Variants in CHDH observed in about 807,000 individuals in gnomAD.
CHDH encodes choline dehydrogenase, mitochondrial.
CHDH carries 43 observed loss-of-function variants against 56.9 expected under a neutral mutation model. The observed-to-expected ratio is 0.76, with a 90% CI of 0.59 to 0.97. The LOEUF (loss-of-function observed/expected upper bound fraction) is 0.97. CHDH is among the 50% of genes least tolerant of loss of function. CHDH has a pLI of 0.00. For missense variants in CHDH, 816 were observed against 821.1 expected (o/e 0.99, Z 0.08); for synonymous variants, 364 against 348.5 (o/e 1.04, Z -0.50).
At chr3:53,838,480 G>T (rs998307052) in intron 2 of CHDH, among the ~76,000 whole-genome samples, 1 of 152,218 alleles carries the variant, frequency 6.6e-6, no homozygotes, top group Non-Finnish European at 1.5e-5. Context: ...GTGAAAGTAG[G>T]GAGGTGGGTA....
chr3:53,841,910 G>T (rs949898915), intron 1 of CHDH, among the ~76,000 whole-genome samples: 2 of 152,186 alleles, frequency 1.3e-5, no homozygotes. Flanking sequence ...ACTTTGGGAG[G>T]CCAAGGCAGG....
rs1046701291 is a variant in CHDH at position 53,837,299 on chromosome 3, C to T, written c.-60+3630G>A. On this transcript the variant is annotated intron_variant, in intron 2 of 8. Transcript: ENST00000315251. ...TAATTAACAACTGAATTGGAAACTG[C>T]TACCTGGGAGATGATTCTGGACAGT... Among the ~76,000 whole-genome samples, 24 of 152,360 alleles carry T rather than the reference C, an allele frequency of 1.6e-4. 1 individual carries two copies. In the South Asian group the frequency reaches 4.8e-3, roughly 30 times the overall value.
chr3:53,825,637 G>C (rs979713745), intron 2 of CHDH, among the ~76,000 whole-genome samples: 1 of 152,138 alleles, frequency 6.6e-6, no homozygotes, highest in South Asian at 2.1e-4. Flanking sequence ...GGAAAGAAGA[G>C]ACAGAGAACA....
intron 2 of CHDH, among the ~76,000 whole-genome samples, chr3:53,826,823 A>G (rs546281860): frequency 6.6e-6 from 1 of 152,238 alleles, no homozygotes; most frequent in Non-Finnish European, 1.5e-5. Context: ...TGCTAATGAC[A>G]TGATTGTCCA....
chr3:53,842,988 G>C (rs1216073738), intron 1 of CHDH, among the ~76,000 whole-genome samples: 2 of 152,140 alleles, frequency 1.3e-5, no homozygotes, highest in African/African-American at 2.4e-5. Context: ...ACCAGCCAGG[G>C]CCTTGATTAA....
intron 2 of CHDH, 113 bp from the exon 3 acceptor site, chr3:53,824,180 G>A (rs997086411): frequency 5.3e-6 from 3 of 570,376 alleles, no homozygotes; most frequent in East Asian, 3.2e-5. Flanking sequence ...GCTGCTCAAA[G>A]GAACTAGGAG....
intron 1 of CHDH, among the ~76,000 whole-genome samples, chr3:53,845,788 T>C (rs1405170966): frequency 6.6e-6 from 1 of 152,236 alleles, no homozygotes; most frequent in Non-Finnish European, 1.5e-5. Context: ...CAGGTGTTGC[T>C]GTCCGAACTC....
chr3:53,817,671 T>A lies in CHDH; in HGVS notation c.*106A>T. 1.1e-6 allele frequency: 1 copy of A among 918,540 alleles called. No homozygotes were observed. Among genetic ancestry groups the A allele is most frequent in the Non-Finnish European group, 1.6e-6 (1 of 618,306 alleles). The allele number at this position is 918,540 out of a possible 1,614,324, so 56.9% of individuals were successfully genotyped here. ...GCCACTGAGTAGGGTACCACCTGGGTCCTAGTGTGCTAGATAGTTTCAGGC... is the reference window on the plus strand; with the variant it reads ...GCCACTGAGTAGGGTACCACCTGGGACCTAGTGTGCTAGATAGTTTCAGGC... On this transcript the variant is annotated 3_prime_UTR_variant, in exon 9 of 9. Coordinates refer to ENST00000315251, the MANE Select transcript of CHDH (RefSeq NM_018397.5).
At chr3:53,831,514 C>T (rs1698333451) in intron 2 of CHDH, among the ~76,000 whole-genome samples, 1 of 152,246 alleles carries the variant, frequency 6.6e-6, no homozygotes, top group Non-Finnish European at 1.5e-5. Flanking sequence ...TTGGTGGCCA[C>T]AGGGGTGCTT....
rs1038276308 is a variant in CHDH, at chr3:53,813,573, T to C, written c.*4204A>G. The C allele has an allele frequency of 6.6e-6, 1 of 152,242 alleles. No homozygotes were observed. The highest frequency in any genetic ancestry group is 1.5e-5 in the Non-Finnish European group (1 of 68,056). 9.4% of individuals were successfully genotyped at this position (152,242 alleles called of 1,614,324 possible). A position where few individuals can be genotyped will look rare whatever the true frequency, so the allele number is the denominator to read the frequency against. ...CTTGTGGCATCACATCAGGCCAAAA[T>C]TGCCAGACCAGGACCCTAAGTGTCT... On this transcript the variant is annotated 3_prime_UTR_variant, in exon 9 of 9. Transcript: ENST00000315251.
intron 2 of CHDH, among the ~76,000 whole-genome samples, chr3:53,833,467 G>A (rs1163627174): frequency 6.6e-6 from 1 of 152,220 alleles, no homozygotes; most frequent in Non-Finnish European, 1.5e-5. Flanking sequence ...ACTGACTGGT[G>A]TGAGGTAGGA....
At position 53,816,331 on chromosome 3, in the gene CHDH, C is replaced by T. The variant is rs1170694563; in HGVS notation, c.*1446G>A. 6.6e-6 allele frequency: 1 copy of T among 152,138 alleles called. No homozygotes were observed. The highest frequency in any genetic ancestry group is 2.4e-5 in the African/African-American group (1 of 41,404). 9.4% of individuals were successfully genotyped at this position (152,138 alleles called of 1,614,324 possible). A position where few individuals can be genotyped will look rare whatever the true frequency, so the allele number is the denominator to read the frequency against. On this transcript the variant is annotated 3_prime_UTR_variant, in exon 9 of 9. Coordinates refer to ENST00000315251, the MANE Select transcript of CHDH (RefSeq NM_018397.5). The stretch of plus-strand genomic sequence containing the variant: ...ATCCAAGTGCATTTTATTTTCATTA[C>T]CTTGTCAGAACAGTCTGGAGAAGGC...
chr3:53,820,097 G>A (rs540641884), intron 6 of CHDH, among the ~76,000 whole-genome samples: 5 of 152,332 alleles, frequency 3.3e-5, no homozygotes, highest in South Asian at 2.1e-4. Flanking sequence ...GATGAATGCT[G>A]ATTCTGCAGT....
chr3:53,818,457 C>T (rs1329030328), intron 8 of CHDH, among the ~76,000 whole-genome samples: 1 of 152,174 alleles, frequency 6.6e-6, no homozygotes, highest in Non-Finnish European at 1.5e-5. Flanking sequence ...TCTGACTTAT[C>T]TGTAGGGCAG....
At chr3:53,818,254 A>C in intron 8 of CHDH, 59 bp from the exon 9 acceptor site, 1 of 1,446,526 alleles carries the variant, frequency 6.9e-7, no homozygotes. Context: ...GCCTCACTGG[A>C]AGATTCACGG....
At position 53,846,416 on chromosome 3, in the gene CHDH, C is replaced by T; in HGVS notation, c.-464G>A. ...GCCCATCCCTCCGAGCCCCAGCAGG[C>T]GAGGGCGCTGCGACCTGCCCCAGCC... is the stretch of plus-strand genomic sequence containing the variant. On this transcript the variant is annotated 5_prime_UTR_variant, in exon 1 of 9. Transcript: ENST00000315251. The T allele has an allele frequency of 1.6e-6, 1 of 613,816 alleles. No homozygotes were observed. Among genetic ancestry groups the T allele is most frequent in the Non-Finnish European group, 2.6e-6 (1 of 381,850 alleles). 38.0% of individuals were successfully genotyped at this position (613,816 alleles called of 1,614,324 possible). A position where few individuals can be genotyped will look rare whatever the true frequency, so the allele number is the denominator to read the frequency against.
rs1172647281 is a variant in CHDH at position 53,819,412 on chromosome 3, G to A, written c.1263+120C>T. ...GCTGGAAGGCAGGGGACAGGCCTCT[G>A]TGTCCCCCACTCTGCAGCCATATGG... On this transcript the variant is annotated intron_variant, in intron 7 of 8. Coordinates refer to ENST00000315251, the MANE Select transcript of CHDH (RefSeq NM_018397.5). This position sits in a 1 kb window ranked among gnomAD's most constrained non-coding sequence, Gnocchi z 5.4. 6.8e-6 allele frequency: 9 copies of A among 1,323,654 alleles called. No homozygotes were observed. Among genetic ancestry groups the A allele is most frequent in the Non-Finnish European group, 4.2e-6 (4 of 961,194 alleles). 82.0% of individuals were successfully genotyped at this position (1,323,654 alleles called of 1,614,324 possible).
Position 53,817,750 on chromosome 3 carries a change from C to A in CHDH, c.*27G>T. On this transcript the variant is annotated 3_prime_UTR_variant, in exon 9 of 9. Coordinates refer to ENST00000315251, the MANE Select transcript of CHDH (RefSeq NM_018397.5). ...CCCTCTTGGCTTATCAGGGGGCTTC[C>A]CTGGTCATCCTCCAGCAGCAACTGT... The A allele has an allele frequency of 6.4e-7, 1 of 1,559,028 alleles. No individual in the cohort carries two copies. The highest frequency in any genetic ancestry group is 1.2e-5 in the South Asian group (1 of 80,772).
chr3:53,815,321 G>T lies in CHDH; in HGVS notation c.*2456C>A, dbSNP rs1300470843. The T allele has an allele frequency of 2.0e-5, 3 of 151,946 alleles. No homozygotes were observed. Among genetic ancestry groups the T allele is most frequent in the Non-Finnish European group, 2.9e-5 (2 of 68,004 alleles). 9.4% of individuals were successfully genotyped at this position (151,946 alleles called of 1,614,324 possible). A position where few individuals can be genotyped will look rare whatever the true frequency, so the allele number is the denominator to read the frequency against. On this transcript the variant is annotated 3_prime_UTR_variant, in exon 9 of 9. Transcript: ENST00000315251. ...CCCAATTCCCTATGAGACTGAAGAT[G>T]GGGGGGTACCCTCTGTGCACCCCAC... is the stretch of plus-strand genomic sequence containing the variant.
Sources: gnomAD v4.1 joint callset for allele counts (sites outside exome capture counted in the v4.1 genomes callset) on GRCh38, gnomAD v4.1.1 for gene constraint, Gnocchi (gnomAD v3.1) non-coding constraint, MANE v1.5 for transcripts, NCBI Gene and HGNC (gene_info 2026-07-23, HGNC 2026-07-21) for gene names.